CNOT10: variants seen among roughly 807,000 people sequenced by gnomAD.
CNOT10 encodes the protein CCR4-NOT transcription complex, subunit 10.
A neutral mutation model predicts 94.6 loss-of-function variants in CNOT10; 30 were observed. The observed-to-expected ratio is 0.32, with a 90% confidence interval of 0.24 to 0.43. The LOEUF (loss-of-function observed/expected upper bound fraction) is 0.43. Ranked by LOEUF, CNOT10 falls within the 20% of genes least tolerant of loss-of-function variation. The pLI is 1.00. For missense variants in CNOT10, 759 were observed against 877.2 expected, an observed-to-expected ratio of 0.87 and a Z score of 1.70; for synonymous variants, 289 against 301.6, an observed-to-expected ratio of 0.96 and a Z score of 0.43.
chr3:32,747,899 G>A (rs1401484772), intron 13 of CNOT10, among the ~76,000 whole-genome samples: 1 of 151,878 alleles, frequency 6.6e-6, no homozygotes, highest in Non-Finnish European at 1.5e-5. Flanking sequence ...AGTGAACCGA[G>A]ATTGTGCCAC....
chr3:32,713,168 T>C, intron 4 of CNOT10, 59 bp from the exon 5 acceptor site: 1 of 1,397,910 alleles, frequency 7.2e-7, no homozygotes, highest in Non-Finnish European at 9.6e-7. Context: ...GAGGGTGGTC[T>C]GAAATGTGTG....
At chr3:32,698,401 TGG>T (rs1207944024) in intron 1 of CNOT10, among the ~76,000 whole-genome samples, 28 of 152,314 alleles carry the variant, frequency 1.8e-4, no homozygotes, top group African/African-American at 4.8e-4. Flanking sequence ...TTGTTATAAG[TGG>T]TGACTCTCAA....
intron 1 of CNOT10, among the ~76,000 whole-genome samples, chr3:32,686,868 A>G (rs1696624637): frequency 6.6e-6 from 1 of 152,184 alleles, no homozygotes; most frequent in South Asian, 2.1e-4. Context: ...CTACTTGTTC[A>G]TTTATTCATT....
intron 10 of CNOT10, among the ~76,000 whole-genome samples, chr3:32,730,016 C>T (rs1366669976): frequency 2.6e-5 from 4 of 151,874 alleles, no homozygotes; most frequent in African/African-American, 9.7e-5. Flanking sequence ...GATCCGCCCG[C>T]CTCGGCCTCC....
intron 10 of CNOT10, among the ~76,000 whole-genome samples, chr3:32,731,316 C>G (rs1296212798): frequency 6.6e-6 from 1 of 152,106 alleles, no homozygotes; most frequent in African/African-American, 2.4e-5. Context: ...AGTAACAGTA[C>G]AGAAACATTT....
At chr3:32,709,940 A>C (rs1697802822) in intron 4 of CNOT10, among the ~76,000 whole-genome samples, 1 of 152,086 alleles carries the variant, frequency 6.6e-6, no homozygotes. Flanking sequence ...TGAGGTCAGG[A>C]GTTGGAGACC....
intron 2 of CNOT10, among the ~76,000 whole-genome samples, chr3:32,704,448 G>A (rs376356743): frequency 7.9e-5 from 12 of 152,094 alleles, no homozygotes; most frequent in African/African-American, 1.9e-4. Flanking sequence ...AGAACTTGAT[G>A]CTTGGGTATT....
intron 10 of CNOT10, among the ~76,000 whole-genome samples, chr3:32,729,908 A>C (rs150184498): frequency 0.039 from 5,830 of 149,580 alleles, 184 homozygotes; most frequent in Middle Eastern, 0.079. Context: ...AGCTGGGACT[A>C]CAGGCGCCCG....
At chr3:32,747,274 C>T (rs561156066) in intron 13 of CNOT10, among the ~76,000 whole-genome samples, 2 of 151,680 alleles carry the variant, frequency 1.3e-5, no homozygotes, top group South Asian at 2.1e-4. Context: ...AAAAATTAAG[C>T]GGGTGTACTG....
chr3:32,732,555 C>T (rs1699007005), intron 10 of CNOT10, among the ~76,000 whole-genome samples: 1 of 151,690 alleles, frequency 6.6e-6, no homozygotes, highest in Admixed American at 6.6e-5. Context: ...CACTGTACTC[C>T]ATCCTGGGCA....
At chr3:32,692,932 CT>C (rs1374012991) in intron 1 of CNOT10, among the ~76,000 whole-genome samples, 1 of 152,038 alleles carries the variant, frequency 6.6e-6, no homozygotes, top group Non-Finnish European at 1.5e-5. Flanking sequence ...GTAGTCCCAG[CT>C]ACTTGGGAGG....
chr3:32,748,638 G>A lies in CNOT10; in HGVS notation c.1596-10820G>A, dbSNP rs565641146. ...AATTATTCTCCTGCCTCAGCCTCCC[G>A]AGTAGCTGGGATTACAGCTGCCCAC... On this transcript the variant is annotated intron_variant, in intron 13 of 18. Coordinates refer to ENST00000328834, the MANE Select transcript of CNOT10 (RefSeq NM_015442.3). Among the ~76,000 whole-genome samples, 19 of 151,814 alleles carry A rather than the reference G, an allele frequency of 1.3e-4. No individual in the cohort carries two copies. The East Asian group carries it at 3.3e-3, about 26-fold the overall frequency.
chr3:32,739,846 G>T (rs1050744021), intron 13 of CNOT10, among the ~76,000 whole-genome samples: 1 of 151,942 alleles, frequency 6.6e-6, no homozygotes, highest in Non-Finnish European at 1.5e-5. Flanking sequence ...AATCACTTGA[G>T]CCCAGGAGGC....
chr3:32,761,308 T>C (rs1281196710), intron 14 of CNOT10, among the ~76,000 whole-genome samples: 3 of 152,152 alleles, frequency 2.0e-5, no homozygotes, highest in African/African-American at 7.2e-5. Flanking sequence ...TCCTTATCAT[T>C]GCCCAACTCA....
At chr3:32,761,834 G>A (rs1036592592) in intron 14 of CNOT10, among the ~76,000 whole-genome samples, 19 of 147,354 alleles carry the variant, frequency 1.3e-4, no homozygotes, top group Admixed American at 9.6e-4. Context: ...GTGCAATGGC[G>A]TGATCTCGGC....
At chr3:32,741,416 C>T (rs1475715931) in intron 13 of CNOT10, among the ~76,000 whole-genome samples, 4 of 152,038 alleles carry the variant, frequency 2.6e-5, no homozygotes, top group Non-Finnish European at 5.9e-5. Context: ...AAATCTTTGT[C>T]TCTCAGGATG....
chr3:32,736,458 A>G (rs1197540841), intron 12 of CNOT10, among the ~76,000 whole-genome samples: 1 of 152,104 alleles, frequency 6.6e-6, no homozygotes, highest in African/African-American at 2.4e-5. Flanking sequence ...CTTGATTATA[A>G]TAGCAATCAA....
In CNOT10 at chr3:32,773,854, T is replaced by C. The variant is rs1041191857; in HGVS notation, c.*243T>C. ...ATTATGTAATATATGCCATAGGCAA[T>C]TAAAACATAATTTTATCAGAAGTCT... is the stretch of plus-strand genomic sequence containing the variant. On this transcript the variant is annotated 3_prime_UTR_variant, in exon 19 of 19. Transcript: ENST00000328834. The C allele has an allele frequency of 7.7e-6, 3 of 390,678 alleles. No individual in the cohort carries two copies. The highest frequency in any genetic ancestry group is 6.2e-5 in the African/African-American group (3 of 48,356). The allele number at this position is 390,678 out of a possible 1,614,324, so 24.2% of individuals were successfully genotyped here. A position where few individuals can be genotyped will look rare whatever the true frequency, so the allele number is the denominator to read the frequency against.
Position 32,704,962 on chromosome 3 carries a change from T to G in CNOT10, c.269T>G (p.Leu90Arg), listed in dbSNP as rs1213787789. Residue 90 changes from leucine (L) to arginine (R), a missense_variant, in exon 3 of 19, where the codon CTG (leucine) becomes CGG (arginine). Physicochemically the swap from Leu to Arg is moderately radical, Grantham distance 102. Transcript: ENST00000328834. ...AATTTGAGACAAACACTTAACCAGCTGAAGAATCAGGTGATACATAAATGA... is the reference window on the plus strand; with the variant it reads ...AATTTGAGACAAACACTTAACCAGCGGAAGAATCAGGTGATACATAAATGA... Reference protein sequence around the residue: ...TDNLRQTLNQLKNQVHSAVEE... With the variant: ...TDNLRQTLNQRKNQVHSAVEE... The G allele has an allele frequency of 6.5e-7, 1 of 1,532,492 alleles. No individual in the cohort carries two copies. Among genetic ancestry groups the G allele is most frequent in the Non-Finnish European group, 8.7e-7 (1 of 1,151,940 alleles). 94.9% of individuals were successfully genotyped at this position (1,532,492 alleles called of 1,614,324 possible).
Sources: allele counts gnomAD v4.1 joint callset (sites outside exome capture counted in the v4.1 genomes callset), GRCh38; gene constraint gnomAD v4.1.1; transcripts MANE v1.5; gene names NCBI Gene and HGNC (gene_info 2026-07-23, HGNC 2026-07-21).